The following NECTIN2 variants were observed in gnomAD, a reference collection of about 807,000 sequenced individuals.
The protein encoded by NECTIN2 is nectin-2.
In NECTIN2, 23 loss-of-function variants were observed where a neutral mutation model predicts 56.9. The observed-to-expected ratio is 0.40, with a 90% CI of 0.29 to 0.57. NECTIN2 has a LOEUF of 0.57. NECTIN2 is among the 20% of genes least tolerant of loss of function. The probability of loss-of-function intolerance (pLI) is 0.38; values close to 1 mark genes in which losing one functional copy is unlikely to be tolerated. For synonymous variants in NECTIN2, 302 were observed against 313.8 expected (o/e 0.96, Z 0.40); for missense variants, 587 against 718.3 (o/e 0.82, Z 2.09).
chr19:44,876,125 G>A (rs906226641), intron 5 of NECTIN2, among the ~76,000 whole-genome samples: 4 of 152,130 alleles, frequency 2.6e-5, no homozygotes, highest in African/African-American at 7.2e-5. Flanking sequence ...CAGAAAGTCC[G>A]TTAGGGAGAT....
At chr19:44,876,988 C>G (rs1969246824) in intron 5 of NECTIN2, among the ~76,000 whole-genome samples, 1 of 152,186 alleles carries the variant, frequency 6.6e-6, no homozygotes, top group Admixed American at 6.5e-5. Flanking sequence ...TAGGCTCAAC[C>G]TGGTCCAGTT....
intron 2 of NECTIN2, among the ~76,000 whole-genome samples, chr19:44,870,214 C>T (rs1030607818): frequency 3.3e-5 from 5 of 151,980 alleles, no homozygotes; most frequent in African/African-American, 7.3e-5. Flanking sequence ...CTGAGGAGGG[C>T]GTGGATGGGG....
chr19:44,878,735 A>T, intron 5 of NECTIN2: 12 of 1,475,252 alleles, frequency 8.1e-6, no homozygotes, highest in Non-Finnish European at 9.8e-6. Flanking sequence ...CTGGAGTGGA[A>T]CACTGCCTCC....
chr19:44,873,112 C>T (rs1969196666), intron 3 of NECTIN2, among the ~76,000 whole-genome samples: 1 of 151,824 alleles, frequency 6.6e-6, no homozygotes, highest in Non-Finnish European at 1.5e-5. Context: ...CACCACTGTC[C>T]AAAATGACCA....
At chr19:44,888,076 T>C in intron 8 of NECTIN2, 34 bp from the exon 9 acceptor site, 1 of 1,596,266 alleles carries the variant, frequency 6.3e-7, no homozygotes, top group Non-Finnish European at 8.6e-7. Flanking sequence ...GCGTAGGAAG[T>C]GATCTTGAGT....
At position 44,874,774 on chromosome 19, in the gene NECTIN2, G is replaced by A; in HGVS notation, c.1042+296G>A. On this transcript the variant is annotated intron_variant, in intron 5 of 8. Coordinates refer to ENST00000252483, the MANE Select transcript of NECTIN2 (RefSeq NM_001042724.2). The surrounding 1 kb of genome is among the most constrained non-coding windows in gnomAD (Gnocchi z 6.3). ...CCTCACGAATAGACCCGAGGAAGCT[G>A]CCCTGGGCTCCAGCTCCTGAGAAAG... 1 of 331,196 alleles carries A rather than the reference G, an allele frequency of 3.0e-6. No homozygotes were observed. The allele number at this position is 331,196 out of a possible 1,614,324, so 20.5% of individuals were successfully genotyped here.
intron 1 of NECTIN2, among the ~76,000 whole-genome samples, chr19:44,848,017 ACT>A (rs922996697): frequency 6.6e-6 from 1 of 151,962 alleles, no homozygotes; most frequent in Non-Finnish European, 1.5e-5. Flanking sequence ...CCAGCGACAA[ACT>A]CTGGGATGCT....
Position 44,870,577 on chromosome 19 carries a change from A to C in NECTIN2, c.479-1276A>C, listed in dbSNP as rs534968669. On this transcript the variant is annotated intron_variant, in intron 2 of 8. Transcript: ENST00000252483. ...AGGTGGAAAGGGTATAAAAAAAAGA[A>C]ACGGCTTTGAGATTTTCTGCCTTTA... Among the ~76,000 whole-genome samples the C allele has an allele frequency of 7.9e-5, 12 of 152,242 alleles. No individual in the cohort carries two copies. The South Asian group carries it at 2.5e-3, about 32-fold the overall frequency.
chr19:44,849,186 AGGGGAGTGAAATGCCGGCACAGGGTCG>A (rs1386501416), intron 1 of NECTIN2, among the ~76,000 whole-genome samples: 3 of 151,952 alleles, frequency 2.0e-5, no homozygotes, highest in Non-Finnish European at 2.9e-5. Flanking sequence ...AGAGGATAGA[AGGGGAGTGAAATGCCGGCACAGGGTCG>A]GGGGAGTGAA....
chr19:44,860,325 G>A (rs1031515768), intron 1 of NECTIN2, among the ~76,000 whole-genome samples: 4 of 152,114 alleles, frequency 2.6e-5, no homozygotes, highest in Admixed American at 2.0e-4. Context: ...AGGAGCCTAA[G>A]CAACATGATG....
chr19:44,888,102 A>C lies in NECTIN2; in HGVS notation c.1348-8A>C, dbSNP rs537032580. On this transcript the variant is annotated splice_polypyrimidine_tract_variant and splice_region_variant and intron_variant, in intron 8 of 8. Transcript: ENST00000252483. ...GATCTTGAGTTCCTGTCCTCTCTCT[A>C]CCTCCAGGAAATGCCTCGATACCAT... The C allele has an allele frequency of 5.6e-6, 9 of 1,609,338 alleles. No homozygotes were observed. Among genetic ancestry groups the C allele is most frequent in the South Asian group, 1.1e-5 (1 of 91,000 alleles).
At chr19:44,886,304 TA>T in intron 8 of NECTIN2, 85 bp downstream of exon 8, 1 of 1,106,402 alleles carries the variant, frequency 9.0e-7, no homozygotes, top group Non-Finnish European at 1.3e-6. Context: ...GGTCAAAGAC[TA>T]AAGGTCATAA....
Position 44,865,235 on chromosome 19 carries a change from C to G in NECTIN2, c.89-36C>G, listed in dbSNP as rs372774527. 9.6e-6 allele frequency: 15 copies of G among 1,562,380 alleles called. No individual in the cohort carries two copies. Among genetic ancestry groups the G allele is most frequent in the East Asian group, 2.3e-5 (1 of 44,148 alleles). ...CCTGGAGGTGTCTGGGTCCCTCCCC[C>G]ACCCGACTACTTCACTCTCTGTCCT... On this transcript the variant is annotated intron_variant, in intron 1 of 8. Transcript: ENST00000252483. This position sits in a 1 kb window ranked among gnomAD's most constrained non-coding sequence, Gnocchi z 5.2.
intron 1 of NECTIN2, among the ~76,000 whole-genome samples, chr19:44,851,567 T>A (rs1406608600): frequency 6.6e-6 from 1 of 152,064 alleles, no homozygotes; most frequent in East Asian, 1.9e-4. Context: ...CCCATTGTTC[T>A]CCCATGGGCT....
chr19:44,872,820 T>C (rs1370589148), intron 3 of NECTIN2, among the ~76,000 whole-genome samples: 2 of 147,612 alleles, frequency 1.4e-5, no homozygotes, highest in African/African-American at 4.9e-5. Context: ...ATTATATTTT[T>C]ATATATTATA....
At chr19:44,861,138 G>A (rs1052775439) in intron 1 of NECTIN2, among the ~76,000 whole-genome samples, 1 of 152,040 alleles carries the variant, frequency 6.6e-6, no homozygotes, top group Non-Finnish European at 1.5e-5. Flanking sequence ...TTACTAAAAA[G>A]TCTAAAAAAA....
intron 5 of NECTIN2, chr19:44,878,719 A>C (rs899921562): frequency 2.0e-5 from 30 of 1,493,600 alleles, no homozygotes; most frequent in Non-Finnish European, 2.7e-5. Context: ...GTTCGTCTGG[A>C]CGACACTGGA....
intron 1 of NECTIN2, among the ~76,000 whole-genome samples, chr19:44,848,652 A>C (rs779813673): frequency 6.5e-5 from 9 of 137,510 alleles, no homozygotes; most frequent in East Asian, 2.2e-4. Context: ...GCCGGCTGGC[A>C]TGTGCTCGCT....
chr19:44,886,210 C>A lies in NECTIN2; in HGVS notation c.1338C>A (p.Cys446Ter). The change falls in exon 8 of 9, where the codon TGC becomes TGA. Residue 446 changes from cysteine to a stop codon, truncating the protein, a stop_gained. Transcript: ENST00000252483. LOFTEE classifies it high-confidence loss of function. ...KTPYFDAGASCTEQEMPRYHE... is the reference protein window; with the variant it reads ...KTPYFDAGAS Reference sequence around the variant, plus strand: ...CCTACTTTGATGCTGGCGCCTCATGCACTGAGCAGGTAGGAGCTCATGGGA... The same window carrying A: ...CCTACTTTGATGCTGGCGCCTCATGAACTGAGCAGGTAGGAGCTCATGGGA... 6.2e-7 allele frequency: 1 copy of A among 1,611,148 alleles called. No homozygotes were observed. The highest frequency in any genetic ancestry group is 8.5e-7 in the Non-Finnish European group (1 of 1,178,886).
Sources: gnomAD v4.1 joint callset for allele counts (sites outside exome capture counted in the v4.1 genomes callset) on GRCh38, gnomAD v4.1.1 for gene constraint, Gnocchi (gnomAD v3.1) non-coding constraint, MANE v1.5 for transcripts, NCBI Gene and HGNC (gene_info 2026-07-23, HGNC 2026-07-21) for gene names.